The following OR1J2 variants were observed in gnomAD, a reference collection of about 807,000 sequenced individuals.
OR1J2 encodes olfactory receptor 1J2.
For synonymous variants in OR1J2, 142 were observed against 99.7 expected, an observed-to-expected ratio of 1.42 and a Z score of -2.52; for missense variants, 304 against 246.1, an observed-to-expected ratio of 1.24 and a Z score of -1.57.
chr9:122,521,711 C>T, the OR1J2 span, among the ~76,000 whole-genome samples: 1 of 152,166 alleles, frequency 6.6e-6, no homozygotes, highest in Non-Finnish European at 1.5e-5. Flanking sequence ...ACAATCATGA[C>T]CTGCTGTACA....
chr9:122,535,115 A>G, the OR1J2 span, among the ~76,000 whole-genome samples: 1 of 151,548 alleles, frequency 6.6e-6, no homozygotes, highest in Non-Finnish European at 1.5e-5. Flanking sequence ...AAGAGAGAGT[A>G]GAGACATGGA....
the OR1J2 span, chr9:122,567,439 TG>T: frequency 1.3e-6 from 1 of 769,368 alleles, no homozygotes; most frequent in Non-Finnish European, 2.1e-6. Flanking sequence ...TTGTCTCACA[TG>T]GGTCAGAAGT....
At chr9:122,489,253 A>G in the OR1J2 span, among the ~76,000 whole-genome samples, 48 of 151,924 alleles carry the variant, frequency 3.2e-4, no homozygotes, top group Non-Finnish European at 5.4e-4. Context: ...GAAAAGACAC[A>G]CACACCATTC....
the OR1J2 span, among the ~76,000 whole-genome samples, chr9:122,461,597 G>A: frequency 6.6e-6 from 1 of 152,038 alleles, no homozygotes; most frequent in Non-Finnish European, 1.5e-5. Context: ...CTGTTTCCCT[G>A]AGGGTTTGAT....
the OR1J2 span, chr9:122,478,006 C>T: frequency 3.1e-6 from 3 of 982,550 alleles, no homozygotes; most frequent in Non-Finnish European, 4.6e-6. Flanking sequence ...ATAACTGTGG[C>T]ATAGTATAAT....
chr9:122,474,382 C>G, the OR1J2 span, among the ~76,000 whole-genome samples: 1 of 152,164 alleles, frequency 6.6e-6, no homozygotes. Context: ...CTAAAAGGGT[C>G]TTGAGACTGA....
downstream of OR1J2, among the ~76,000 whole-genome samples, chr9:122,516,555 G>A (rs1828702936): frequency 6.6e-6 from 1 of 152,072 alleles, no homozygotes; most frequent in Middle Eastern, 3.4e-3. Flanking sequence ...CGCCCGCCTC[G>A]GCCTCCCAAA....
At chr9:122,453,028 C>CA in the OR1J2 span, among the ~76,000 whole-genome samples, 2,513 of 93,130 alleles carry the variant, frequency 0.027, 70 homozygotes, top group African/African-American at 0.068. Flanking sequence ...AGCTTCGTCT[C>CA]AAAAAAAAAA....
the OR1J2 span, among the ~76,000 whole-genome samples, chr9:122,470,595 T>A: frequency 6.6e-6 from 1 of 152,160 alleles, no homozygotes; most frequent in Non-Finnish European, 1.5e-5. Context: ...CTAGTGGAGC[T>A]GTGAGAAGAG....
chr9:122,579,322 A>G, the OR1J2 span, among the ~76,000 whole-genome samples: 1 of 152,122 alleles, frequency 6.6e-6, no homozygotes, highest in African/African-American at 2.4e-5. Context: ...ATTTGAATAC[A>G]TTGTAATTGA....
chr9:122,501,642 G>C, the OR1J2 span, among the ~76,000 whole-genome samples: 4 of 152,098 alleles, frequency 2.6e-5, no homozygotes, highest in African/African-American at 7.2e-5. Flanking sequence ...TTAGACTTTA[G>C]TGTTGGGCAC....
the OR1J2 span, among the ~76,000 whole-genome samples, chr9:122,562,493 C>G: frequency 6.6e-6 from 1 of 152,208 alleles, no homozygotes; most frequent in Non-Finnish European, 1.5e-5. Context: ...TTGCACAGTT[C>G]TGTGGAAAAA....
At chr9:122,482,731 A>G in the OR1J2 span, among the ~76,000 whole-genome samples, 27 of 152,340 alleles carry the variant, frequency 1.8e-4, no homozygotes, top group African/African-American at 6.5e-4. Flanking sequence ...CCTGGAGGAC[A>G]TTACGTTAAG....
the OR1J2 span, chr9:122,572,811 T>A: frequency 6.6e-6 from 1 of 152,240 alleles, no homozygotes; most frequent in African/African-American, 2.4e-5. Flanking sequence ...TTTGCTTCCA[T>A]GTGTCTCAAG....
chr9:122,556,849 C>A, the OR1J2 span, among the ~76,000 whole-genome samples: 247 of 152,206 alleles, frequency 1.6e-3, 1 homozygote, highest in African/African-American at 5.5e-3. Context: ...GGAAGAATGA[C>A]ACCATGATAA....
chr9:122,529,564 T>C, the OR1J2 span, among the ~76,000 whole-genome samples: 1 of 152,212 alleles, frequency 6.6e-6, no homozygotes, highest in East Asian at 1.9e-4. Context: ...TTCTGTCGTA[T>C]TTTTTGGTCT....
chr9:122,573,796 T>G, the OR1J2 span, among the ~76,000 whole-genome samples: 1 of 152,204 alleles, frequency 6.6e-6, no homozygotes, highest in African/African-American at 2.4e-5. Context: ...GCCTTTGGTG[T>G]TGTATCTAAA....
At chr9:122,571,204 G>A in the OR1J2 span, among the ~76,000 whole-genome samples, 8 of 152,128 alleles carry the variant, frequency 5.3e-5, no homozygotes, top group African/African-American at 1.4e-4. Flanking sequence ...TACAGATGGT[G>A]GGATTTGAAA....
the OR1J2 span, among the ~76,000 whole-genome samples, chr9:122,545,811 C>G: frequency 0.015 from 2,242 of 151,958 alleles, 60 homozygotes; most frequent in African/African-American, 0.051. Context: ...TATGTCACTA[C>G]TATTTGTAAA....
Sources: gnomAD v4.1 joint callset for allele counts (sites outside exome capture counted in the v4.1 genomes callset) on GRCh38, gnomAD v4.1.1 for gene constraint, MANE v1.5 for transcripts, NCBI Gene and HGNC (gene_info 2026-07-23, HGNC 2026-07-21) for gene names.